TARBP1: variants seen among roughly 807,000 people sequenced by gnomAD.
The protein encoded by TARBP1 is tRNA (guanosine(18)-2'-O)-methyltransferase TARBP1.
TARBP1 carries 144 observed loss-of-function variants against 178.6 expected under a neutral mutation model. That is an observed-to-expected ratio of 0.81 (90% CI 0.70 to 0.93). TARBP1 has a LOEUF of 0.93. Ranked by LOEUF, TARBP1 falls within the 40% of genes least tolerant of loss-of-function variation. The pLI is 0.00. For synonymous variants in TARBP1, 787 were observed against 781.0 expected, an observed-to-expected ratio of 1.01 and a Z score of -0.13; for missense variants, 2,067 against 2,011.7, an observed-to-expected ratio of 1.03 and a Z score of -0.53.
At chr1:234,399,477 G>A (rs147152571) in intron 25 of TARBP1, among the ~76,000 whole-genome samples, 9,309 of 152,208 alleles carry the variant, frequency 0.061, 334 homozygotes, top group Middle Eastern at 0.088. Context: ...AGTCAGTGTG[G>A]CGATTCCTCA....
chr1:234,413,703 A>C (rs894968489), intron 22 of TARBP1, among the ~76,000 whole-genome samples: 1 of 152,162 alleles, frequency 6.6e-6, no homozygotes, highest in African/African-American at 2.4e-5. Context: ...TCACCTGTTG[A>C]AATTCTCACC....
intron 5 of TARBP1, among the ~76,000 whole-genome samples, chr1:234,464,966 T>A (rs1306196591): frequency 6.6e-6 from 1 of 152,200 alleles, no homozygotes; most frequent in Non-Finnish European, 1.5e-5. Context: ...GCAGCCACTG[T>A]CAGATACGGA....
chr1:234,417,650 T>C (rs1455721886), intron 22 of TARBP1, among the ~76,000 whole-genome samples: 1 of 152,206 alleles, frequency 6.6e-6, no homozygotes, highest in African/African-American at 2.4e-5. Flanking sequence ...AGGGTACAGA[T>C]GAAACAAGAA....
At chr1:234,419,128 G>C (rs189947070) in intron 21 of TARBP1, among the ~76,000 whole-genome samples, 3 of 151,946 alleles carry the variant, frequency 2.0e-5, no homozygotes, top group Admixed American at 1.3e-4. Flanking sequence ...AGCCGAGATC[G>C]TGCCACTGCA....
chr1:234,401,747 A>G (rs1660694903), intron 24 of TARBP1, among the ~76,000 whole-genome samples: 1 of 152,166 alleles, frequency 6.6e-6, no homozygotes, highest in African/African-American at 2.4e-5. Context: ...CTAAGCAGCA[A>G]TTTCAAGACA....
At chr1:234,418,339 A>G in intron 21 of TARBP1, 106 bp from the exon 22 acceptor site, 1 of 993,488 alleles carries the variant, frequency 1.0e-6, no homozygotes, top group Admixed American at 3.3e-5. Flanking sequence ...TAAGTAATTT[A>G]TTGGATCTAC....
intron 25 of TARBP1, 126 bp from the exon 26 acceptor site, chr1:234,398,679 T>A: frequency 1.5e-6 from 1 of 681,826 alleles, no homozygotes; most frequent in Non-Finnish European, 2.2e-6. Flanking sequence ...TCAAACTATA[T>A]ACTTTCATTT....
At chr1:234,466,155 A>G (rs1572398341) in intron 4 of TARBP1, among the ~76,000 whole-genome samples, 1 of 152,218 alleles carries the variant, frequency 6.6e-6, no homozygotes, top group African/African-American at 2.4e-5. Context: ...GAAGTGCAGA[A>G]ATAATAGAAT....
chr1:234,478,065 C>T, intron 1 of TARBP1, 108 bp downstream of exon 1: 1 of 1,120,092 alleles, frequency 8.9e-7, no homozygotes, highest in Non-Finnish European at 1.3e-6. Flanking sequence ...CCAAATTCTG[C>T]ATGGATCGGA....
chr1:234,418,894 C>T (rs763520466), intron 21 of TARBP1, among the ~76,000 whole-genome samples: 9 of 152,150 alleles, frequency 5.9e-5, no homozygotes, highest in Admixed American at 3.9e-4. Flanking sequence ...ATGTATTGGC[C>T]GGGCACAGTG....
chr1:234,425,826 CA>C (rs773544088), intron 19 of TARBP1, 33 bp from the exon 20 acceptor site: 46 of 1,457,644 alleles, frequency 3.2e-5, no homozygotes, highest in Non-Finnish European at 4.2e-5. Context: ...TATGTTAATA[CA>C]TTTTGAAAAC....
At chr1:234,428,657 T>C (rs1664046336) in intron 17 of TARBP1, among the ~76,000 whole-genome samples, 1 of 152,124 alleles carries the variant, frequency 6.6e-6, no homozygotes, top group Non-Finnish European at 1.5e-5. Context: ...GCAATTCTCC[T>C]GCCTCAGCCT....
chr1:234,478,443 G>C lies in TARBP1; in HGVS notation c.661C>G (p.Leu221Val). Residue 221 changes from leucine (L) to valine (V), a missense_variant, in exon 1 of 30, where the codon CTG (leucine) becomes GTG (valine). Transcript: ENST00000040877. ...TTCTCCTCTACGCGGCCGGACCCCA[G>C]GGACGCCCCAGGCGCGGCCAGCCCG... ...WGGLAAPGAS[L>V]GSGRVEEKLL... The C allele has an allele frequency of 7.2e-7, 1 of 1,389,644 alleles. No individual in the cohort carries two copies. The highest frequency in any genetic ancestry group is 1.5e-5 in the African/African-American group (1 of 66,142). The allele number at this position is 1,389,644 out of a possible 1,614,324, so 86.1% of individuals were successfully genotyped here. A position where few individuals can be genotyped will look rare whatever the true frequency, so the allele number is the denominator to read the frequency against.
At chr1:234,406,397 G>A (rs770141994) in intron 23 of TARBP1, 6 of 322,750 alleles carry the variant, frequency 1.9e-5, no homozygotes, top group Non-Finnish European at 2.9e-5. Flanking sequence ...TATGTTTTAT[G>A]CTAACCATTA....
chr1:234,405,793 G>A (rs1033817677), intron 24 of TARBP1, 110 bp downstream of exon 24: 28 of 1,036,342 alleles, frequency 2.7e-5, no homozygotes, highest in Admixed American at 1.7e-4. Flanking sequence ...GCTCCAGGAC[G>A]GCAGCATGAG....
Position 234,451,676 on chromosome 1 carries a change from G to A in TARBP1, c.1723-1110C>T, listed in dbSNP as rs1276812850. On this transcript the variant is annotated intron_variant, in intron 9 of 29. Coordinates refer to ENST00000040877, the MANE Select transcript of TARBP1 (RefSeq NM_005646.4). Reference sequence around the variant, plus strand: ...AGGCAGGAGAATGGCGTGAACCCGGGAGGCGGAGCTTGCAGTGAGCCGAGA... The same window carrying A: ...AGGCAGGAGAATGGCGTGAACCCGGAAGGCGGAGCTTGCAGTGAGCCGAGA... Among the ~76,000 whole-genome samples, 10 of 34,660 alleles carry A rather than the reference G, an allele frequency of 2.9e-4. 4 individuals carry two copies. The highest frequency in any genetic ancestry group is 2.7e-3 in the African/African-American group (10 of 3,746). The allele number at this position is 34,660 out of a possible 152,430, so 22.7% of individuals were successfully genotyped here. A position where few individuals can be genotyped will look rare whatever the true frequency, so the allele number is the denominator to read the frequency against.
chr1:234,392,650 T>G, intron 28 of TARBP1, 98 bp from the exon 29 acceptor site: 1 of 1,087,064 alleles, frequency 9.2e-7, no homozygotes, highest in South Asian at 1.5e-5. Context: ...ACTTAACTCT[T>G]TAAAAGAAAA....
chr1:234,478,940 C>G lies in TARBP1; in HGVS notation c.164G>C (p.Gly55Ala). Residue 55 changes from glycine to alanine, a missense_variant, in exon 1 of 30, where the codon GGC (glycine) becomes GCC (alanine). Gly to Ala is a moderately conservative substitution (Grantham distance 60). Coordinates refer to ENST00000040877, the MANE Select transcript of TARBP1 (RefSeq NM_005646.4). ...CTCGCGCGCCGCCTCCGGGAGCGCG[C>G]CTGCGCCCCCGCTGCCGCGCGCCTC... The part of the protein sequence containing the change: ...DEEARGSGGA[G>A]ALPEAAREVA... The G allele has an allele frequency of 6.9e-7, 1 of 1,448,408 alleles. No homozygotes were observed. The allele number at this position is 1,448,408 out of a possible 1,614,324, so 89.7% of individuals were successfully genotyped here.
rs147099523 is a variant in TARBP1, at chr1:234,425,505, C to T, written c.3444+168G>A. Among the ~76,000 whole-genome samples, 785 of 152,266 alleles carry T rather than the reference C, an allele frequency of 5.2e-3. 4 individuals are homozygous for T. Among genetic ancestry groups the T allele is most frequent in the African/African-American group, 0.017 (703 of 41,548 alleles). ...AAAGTGCTAGGATTACAGGCGTGAG[C>T]CACAGTGTGACCAGCCCTAATCAAG... is the stretch of plus-strand genomic sequence containing the variant. On this transcript the variant is annotated intron_variant, in intron 20 of 29. Transcript: ENST00000040877.
Sources: gnomAD v4.1 joint callset for allele counts (sites outside exome capture counted in the v4.1 genomes callset) on GRCh38, gnomAD v4.1.1 for gene constraint, MANE v1.5 for transcripts, NCBI Gene and HGNC (gene_info 2026-07-23, HGNC 2026-07-21) for gene names.